Variants in FER observed in about 807,000 individuals in gnomAD.
FER encodes the protein FER tyrosine kinase.
FER carries 63 observed loss-of-function variants against 111.0 expected under a neutral mutation model. That is an observed-to-expected ratio of 0.57 (90% confidence interval 0.46 to 0.70). The LOEUF (loss-of-function observed/expected upper bound fraction) is 0.70, where lower values mean the gene tolerates loss of function less well. Ranked by LOEUF, FER falls within the 30% of genes least tolerant of loss-of-function variation. The pLI is 0.00. For missense variants in FER, 914 were observed against 954.0 expected (o/e 0.96, Z 0.55); for synonymous variants, 327 against 313.9 (o/e 1.04, Z -0.44).
intron 16 of FER, among the ~76,000 whole-genome samples, chr5:109,093,735 A>G (rs1231345435): frequency 6.6e-6 from 1 of 152,152 alleles, no homozygotes; most frequent in African/African-American, 2.4e-5. Context: ...AATGTAAGGA[A>G]GCTTGAATTG....
At chr5:109,081,123 G>A (rs1776938721) in intron 16 of FER, among the ~76,000 whole-genome samples, 1 of 152,012 alleles carries the variant, frequency 6.6e-6, no homozygotes. Flanking sequence ...TGTAATCAAT[G>A]AAATCCAGAA....
chr5:109,010,428 A>G (rs1256600856), intron 13 of FER, among the ~76,000 whole-genome samples: 2 of 152,094 alleles, frequency 1.3e-5, no homozygotes, highest in Non-Finnish European at 2.9e-5. Context: ...AAGCATTGGA[A>G]TTACAGCCGT....
intron 3 of FER, among the ~76,000 whole-genome samples, chr5:108,813,582 G>A (rs1040179589): frequency 2.0e-5 from 3 of 151,924 alleles, no homozygotes; most frequent in Non-Finnish European, 2.9e-5. Flanking sequence ...TCTTCTCTGT[G>A]TTTCATTGTG....
At chr5:108,870,995 A>T (rs1045234920) in intron 6 of FER, among the ~76,000 whole-genome samples, 1 of 152,136 alleles carries the variant, frequency 6.6e-6, no homozygotes, top group Non-Finnish European at 1.5e-5. Context: ...CTGGAAAGGA[A>T]CATTAAAGAG....
chr5:108,975,857 C>T (rs1406985238), intron 13 of FER, among the ~76,000 whole-genome samples: 1 of 152,104 alleles, frequency 6.6e-6, no homozygotes, highest in Non-Finnish European at 1.5e-5. Flanking sequence ...GGATTACCTT[C>T]AGGTTTATAA....
intron 3 of FER, among the ~76,000 whole-genome samples, chr5:108,828,544 T>G (rs1047772221): frequency 3.9e-5 from 6 of 152,220 alleles, no homozygotes; most frequent in Non-Finnish European, 7.3e-5. Flanking sequence ...TGATGATATT[T>G]ATATTCCGTT....
At chr5:109,100,777 A>G (rs1024113588) in intron 17 of FER, among the ~76,000 whole-genome samples, 7 of 151,880 alleles carry the variant, frequency 4.6e-5, no homozygotes, top group African/African-American at 1.7e-4. Flanking sequence ...ATCATGAACA[A>G]CGGTGACATG....
chr5:108,978,502 T>TA (rs1459140305), intron 13 of FER, among the ~76,000 whole-genome samples: 16 of 152,342 alleles, frequency 1.1e-4, no homozygotes, highest in African/African-American at 3.8e-4. Context: ...CAGTTCATAT[T>TA]AAGTCCTCCT....
intron 2 of FER, among the ~76,000 whole-genome samples, chr5:108,796,070 C>T (rs894574033): frequency 1.3e-5 from 2 of 152,180 alleles, no homozygotes; most frequent in Non-Finnish European, 2.9e-5. Context: ...GTCATGTAAG[C>T]TGTATCTGTA....
intron 13 of FER, among the ~76,000 whole-genome samples, chr5:108,984,370 TA>T (rs1762338471): frequency 6.6e-6 from 1 of 152,206 alleles, no homozygotes; most frequent in East Asian, 1.9e-4. Context: ...AAAAATTGTA[TA>T]AAATGTCCTA....
intron 2 of FER, among the ~76,000 whole-genome samples, chr5:108,790,822 T>G (rs1464232104): frequency 6.6e-6 from 1 of 152,208 alleles, no homozygotes; most frequent in African/African-American, 2.4e-5. Context: ...TCACCCCACA[T>G]TTGCCAGCCC....
chr5:108,871,133 A>G (rs1016659068), intron 6 of FER, among the ~76,000 whole-genome samples: 2 of 152,122 alleles, frequency 1.3e-5, no homozygotes, highest in Non-Finnish European at 2.9e-5. Context: ...AGGTAATGCC[A>G]TATTCTATAT....
At position 109,165,386 on chromosome 5, in the gene FER, G is replaced by A. The variant is rs1020515505; in HGVS notation, c.2049-15361G>A. ...TCTTTATATCAGACTAAAAGTGGTA[G>A]TAGTAGAATCCTCGGAGTATGGCAT... On this transcript the variant is annotated intron_variant, in intron 17 of 19. Transcript: ENST00000281092. Among the ~76,000 whole-genome samples the A allele has an allele frequency of 2.6e-5, 4 of 152,276 alleles. No individual in the cohort carries two copies. In the East Asian group the frequency reaches 7.7e-4, roughly 29 times the overall value.
Position 108,883,314 on chromosome 5 carries a change from A to G in FER, c.924-82A>G, listed in dbSNP as rs761794360. 206 of 1,332,362 alleles carry G rather than the reference A, an allele frequency of 1.5e-4. 1 individual carries two copies. Among genetic ancestry groups the G allele is most frequent in the Non-Finnish European group, 2.0e-4 (202 of 995,262 alleles). 82.5% of individuals were successfully genotyped at this position (1,332,362 alleles called of 1,614,324 possible). On this transcript the variant is annotated intron_variant, in intron 8 of 19. Transcript: ENST00000281092. ...TGGCTACTGTTTTGGACATTGCAAC[A>G]TAAGATGTATGAATACTTTTTTGAT... is the stretch of plus-strand genomic sequence containing the variant.
At chr5:109,026,418 C>G (rs1244832297) in intron 13 of FER, among the ~76,000 whole-genome samples, 1 of 151,012 alleles carries the variant, frequency 6.6e-6, no homozygotes, top group Non-Finnish European at 1.5e-5. Context: ...ACTTTGCATA[C>G]TTTTCAATAA....
intron 16 of FER, among the ~76,000 whole-genome samples, chr5:109,079,221 T>A (rs546749068): frequency 4.8e-4 from 73 of 152,306 alleles, no homozygotes; most frequent in South Asian, 4.8e-3. Context: ...CTTTATAAGA[T>A]GCTGTGATTA....
intron 5 of FER, among the ~76,000 whole-genome samples, chr5:108,836,815 A>G (rs1760713578): frequency 6.6e-6 from 1 of 150,412 alleles, no homozygotes; most frequent in African/African-American, 2.4e-5. Context: ...CCTCTTCTTT[A>G]TCTTCTTCCT....
chr5:108,898,309 A>G (rs1365946379), intron 10 of FER, among the ~76,000 whole-genome samples: 3 of 152,160 alleles, frequency 2.0e-5, no homozygotes, highest in African/African-American at 7.2e-5. Flanking sequence ...TGACCCTTAG[A>G]CTACAATAAA....
At chr5:108,943,174 A>G (rs949823189) in intron 10 of FER, among the ~76,000 whole-genome samples, 3 of 152,094 alleles carry the variant, frequency 2.0e-5, no homozygotes, top group Admixed American at 6.6e-5. Flanking sequence ...GCTCCAAGGA[A>G]AGTACTCATT....
Sources: allele counts gnomAD v4.1 joint callset (sites outside exome capture counted in the v4.1 genomes callset), GRCh38; gene constraint gnomAD v4.1.1; transcripts MANE v1.5; gene names NCBI Gene and HGNC (gene_info 2026-07-23, HGNC 2026-07-21).